APBA1: variants seen among roughly 807,000 people sequenced by gnomAD.
APBA1 encodes the protein amyloid beta precursor protein binding family A member 1.
A neutral mutation model predicts 86.6 loss-of-function variants in APBA1; 55 were observed. That is an observed-to-expected ratio of 0.64 (90% CI 0.51 to 0.80). APBA1 has a LOEUF of 0.80. Among genes scored for constraint, APBA1 ranks in the 30% least tolerant of loss-of-function variants. The probability of loss-of-function intolerance (pLI) is 0.00; values close to 1 mark genes in which losing one functional copy is unlikely to be tolerated. For synonymous variants in APBA1, 511 were observed against 493.9 expected (o/e 1.03, Z -0.46); for missense variants, 1,090 against 1,183.0 (o/e 0.92, Z 1.15).
intron 1 of APBA1, among the ~76,000 whole-genome samples, chr9:69,627,460 T>C (rs2133994995): frequency 6.6e-6 from 1 of 152,242 alleles, no homozygotes; most frequent in South Asian, 2.1e-4. Flanking sequence ...AATTTGTGGG[T>C]AGGACATGCT....
chr9:69,514,101 T>C (rs924283022), intron 2 of APBA1, among the ~76,000 whole-genome samples: 4 of 152,252 alleles, frequency 2.6e-5, no homozygotes, highest in Non-Finnish European at 5.9e-5. Context: ...AAGCTTGCCA[T>C]GTTATCACAT....
In APBA1 at chr9:69,500,097, C is replaced by T. The variant is rs184024984; in HGVS notation, c.1200+15914G>A. Among the ~76,000 whole-genome samples the T allele has an allele frequency of 2.0e-4, 31 of 152,110 alleles. No individual in the cohort carries two copies. In the East Asian group the frequency reaches 5.6e-3, roughly 28 times the overall value. Reference sequence around the variant, plus strand: ...GACCAACCCTGGAAGGAAAGGCTGACGGTATAATGCTGCTTAAGGTGGAAG... The same window carrying T: ...GACCAACCCTGGAAGGAAAGGCTGATGGTATAATGCTGCTTAAGGTGGAAG... On this transcript the variant is annotated intron_variant, in intron 2 of 12. Transcript: ENST00000265381.
chr9:69,476,204 G>A, intron 2 of APBA1, 61 bp from the exon 3 acceptor site: 1 of 1,246,416 alleles, frequency 8.0e-7, no homozygotes, highest in Non-Finnish European at 1.2e-6. Flanking sequence ...CACTTGGCTG[G>A]GGGAAAGGGG....
intron 1 of APBA1, among the ~76,000 whole-genome samples, chr9:69,603,606 CAT>C (rs1468354079): frequency 6.6e-6 from 1 of 152,186 alleles, no homozygotes; most frequent in Non-Finnish European, 1.5e-5. Flanking sequence ...TAAATTCAAA[CAT>C]AGGTCTACAG....
chr9:69,573,690 C>A (rs1211741515), intron 1 of APBA1, among the ~76,000 whole-genome samples: 1 of 152,162 alleles, frequency 6.6e-6, no homozygotes, highest in Non-Finnish European at 1.5e-5. Flanking sequence ...GGTATTCTTG[C>A]GAAGAGCTTC....
intron 9 of APBA1, 109 bp from the exon 10 acceptor site, chr9:69,449,905 G>A (rs1834974345): frequency 1.1e-6 from 1 of 923,304 alleles, no homozygotes; most frequent in South Asian, 1.7e-5. Context: ...ACACTTCCCT[G>A]GGGACACCAA....
chr9:69,547,721 A>G (rs1311078765), intron 1 of APBA1, among the ~76,000 whole-genome samples: 2 of 152,260 alleles, frequency 1.3e-5, no homozygotes, highest in Non-Finnish European at 2.9e-5. Context: ...AAAGAACCAA[A>G]GCCCCACTGC....
chr9:69,629,998 A>T (rs1823008680), intron 1 of APBA1, among the ~76,000 whole-genome samples: 1 of 152,144 alleles, frequency 6.6e-6, no homozygotes, highest in African/African-American at 2.4e-5. Context: ...GGGAAAAGAG[A>T]TAATATCACA....
intron 1 of APBA1, among the ~76,000 whole-genome samples, chr9:69,541,964 C>G (rs1057379375): frequency 6.6e-6 from 1 of 151,886 alleles, no homozygotes; most frequent in Non-Finnish European, 1.5e-5. Flanking sequence ...TCCCTTGGAC[C>G]ATCTGAGTTA....
At chr9:69,455,105 C>A (rs1197325336) in intron 8 of APBA1, among the ~76,000 whole-genome samples, 1 of 152,204 alleles carries the variant, frequency 6.6e-6, no homozygotes, top group African/African-American at 2.4e-5. Flanking sequence ...TGACACCTAA[C>A]TTCCGAGAGG....
In APBA1 at chr9:69,467,975, C is replaced by T. The variant is rs766637674; in HGVS notation, c.1337-7G>A. ...GGGTCGCAGGGTCCCGGAACTGTAA[C>T]ACATAGAGCCACAGTGAGGAAGCCA... is the stretch of plus-strand genomic sequence containing the variant. On this transcript the variant is annotated splice_polypyrimidine_tract_variant and splice_region_variant and intron_variant, in intron 4 of 12. Coordinates refer to ENST00000265381, the MANE Select transcript of APBA1 (RefSeq NM_001163.4). 1 of 1,613,374 alleles carries T rather than the reference C, an allele frequency of 6.2e-7. No homozygotes were observed. The highest frequency in any genetic ancestry group is 8.5e-7 in the Non-Finnish European group (1 of 1,179,460).
At chr9:69,531,009 T>G (rs1278712761) in intron 1 of APBA1, among the ~76,000 whole-genome samples, 1 of 152,198 alleles carries the variant, frequency 6.6e-6, no homozygotes, top group Non-Finnish European at 1.5e-5. Context: ...TAAAATTTTT[T>G]TAAAAAGAAA....
chr9:69,489,379 A>G (rs1416164319), intron 2 of APBA1, among the ~76,000 whole-genome samples: 1 of 152,158 alleles, frequency 6.6e-6, no homozygotes, highest in East Asian at 1.9e-4. Context: ...GCAATGGGGA[A>G]AGGATTCCCT....
At chr9:69,535,881 A>G (rs1465154201) in intron 1 of APBA1, among the ~76,000 whole-genome samples, 3 of 152,072 alleles carry the variant, frequency 2.0e-5, no homozygotes, top group Non-Finnish European at 4.4e-5. Flanking sequence ...CATTAATGAG[A>G]GCTCTTCTTT....
At chr9:69,526,734 G>A (rs80155006) in intron 1 of APBA1, among the ~76,000 whole-genome samples, 217 of 152,040 alleles carry the variant, frequency 1.4e-3, no homozygotes, top group African/African-American at 4.4e-3. Context: ...AATTGTTCTC[G>A]GTAGAATATT....
chr9:69,529,525 T>C (rs977251238), intron 1 of APBA1, among the ~76,000 whole-genome samples: 1 of 152,146 alleles, frequency 6.6e-6, no homozygotes, highest in African/African-American at 2.4e-5. Context: ...AAACCCATAA[T>C]AGTTCATTGG....
chr9:69,547,335 C>T (rs1353145291), intron 1 of APBA1, among the ~76,000 whole-genome samples: 1 of 152,190 alleles, frequency 6.6e-6, no homozygotes, highest in Non-Finnish European at 1.5e-5. Context: ...GTGCCTGCCA[C>T]GTGTCTGTAT....
intron 1 of APBA1, among the ~76,000 whole-genome samples, chr9:69,576,029 C>T (rs1821787944): frequency 6.6e-6 from 1 of 152,062 alleles, no homozygotes; most frequent in African/African-American, 2.4e-5. Context: ...CAAACAATCC[C>T]AACAAAAAGT....
intron 11 of APBA1, among the ~76,000 whole-genome samples, chr9:69,436,136 T>G (rs1834714054): frequency 6.7e-6 from 1 of 149,986 alleles, no homozygotes; most frequent in Non-Finnish European, 1.5e-5. Flanking sequence ...TCCATTGGTC[T>G]ATATCTCTGT....
Sources: allele counts gnomAD v4.1 joint callset (sites outside exome capture counted in the v4.1 genomes callset), GRCh38; gene constraint gnomAD v4.1.1; transcripts MANE v1.5; gene names NCBI Gene and HGNC (gene_info 2026-07-23, HGNC 2026-07-21).